DAB1: variants seen among roughly 807,000 people sequenced by gnomAD.
DAB1 encodes the protein DAB adaptor protein 1.
Under a neutral mutation model 64.6 loss-of-function variants are expected in DAB1, and 15 were observed. The ratio of observed to expected loss-of-function variants is 0.23; its 90% CI spans 0.16 to 0.36. The LOEUF (loss-of-function observed/expected upper bound fraction) is 0.36. Ranked by LOEUF, DAB1 falls within the 10% of genes least tolerant of loss-of-function variation. The pLI, the probability that DAB1 is intolerant of heterozygous loss-of-function variation, is 1.00. For synonymous variants in DAB1, 235 were observed against 251.9 expected, an observed-to-expected ratio of 0.93 and a Z score of 0.64; for missense variants, 596 against 706.7, an observed-to-expected ratio of 0.84 and a Z score of 1.78.
intron 5 of DAB1, among the ~76,000 whole-genome samples, chr1:58,060,931 G>T (rs1447969608): frequency 6.6e-6 from 1 of 152,246 alleles, no homozygotes; most frequent in Non-Finnish European, 1.5e-5. Context: ...GGGGAAGCCA[G>T]CCAAGCCAGA....
chr1:57,948,262 G>C (rs1645213805), intron 5 of DAB1, among the ~76,000 whole-genome samples: 1 of 152,122 alleles, frequency 6.6e-6, no homozygotes, highest in African/African-American at 2.4e-5. Context: ...TGCAATAAAA[G>C]GCCCAAAGAA....
At chr1:58,114,091 CAA>C (rs530606878) in intron 5 of DAB1, among the ~76,000 whole-genome samples, 26,435 of 109,820 alleles carry the variant, frequency 0.24, 3,191 homozygotes, top group East Asian at 0.52. Context: ...TACTAAAATA[CAA>C]AAAAAAAAAA....
chr1:58,296,261 G>GAAAGAAAGAAAC (rs1553173621), intron 4 of DAB1, among the ~76,000 whole-genome samples: 1 of 140,284 alleles, frequency 7.1e-6, no homozygotes, highest in African/African-American at 2.7e-5. Context: ...AAGAAAGAAA[G>GAAAGAAAGAAAC]AAAAGTGAGG....
chr1:57,136,403 T>C (rs953996190), intron 4 of DAB1, 140 bp downstream of exon 4: 16 of 428,086 alleles, frequency 3.7e-5, no homozygotes, highest in Non-Finnish European at 6.2e-5. Flanking sequence ...CTTTGATGGA[T>C]GATCAGAGTT....
chr1:58,107,094 C>A (rs1202706539), intron 5 of DAB1, among the ~76,000 whole-genome samples: 9 of 151,402 alleles, frequency 5.9e-5, no homozygotes. Flanking sequence ...AAAAAAAAAC[C>A]CAGAAAAATA....
At chr1:58,249,734 T>A (rs1229382604) in intron 4 of DAB1, among the ~76,000 whole-genome samples, 1 of 151,834 alleles carries the variant, frequency 6.6e-6, no homozygotes. Flanking sequence ...GTTAAATGGC[T>A]GCGCGTCAAC....
At chr1:57,522,406 A>G (rs889863895) in intron 7 of DAB1, among the ~76,000 whole-genome samples, 7 of 152,164 alleles carry the variant, frequency 4.6e-5, no homozygotes, top group Non-Finnish European at 1.0e-4. Context: ...TAGAAGAGTT[A>G]AGTGAAATTT....
At chr1:58,114,576 T>G (rs911493758) in intron 5 of DAB1, among the ~76,000 whole-genome samples, 2 of 152,230 alleles carry the variant, frequency 1.3e-5, no homozygotes, top group Non-Finnish European at 2.9e-5. Flanking sequence ...ATTGGAATAC[T>G]GTTATGCCCA....
intron 7 of DAB1, among the ~76,000 whole-genome samples, chr1:57,547,469 G>T (rs1007709162): frequency 6.6e-6 from 1 of 152,112 alleles, no homozygotes; most frequent in African/African-American, 2.4e-5. Flanking sequence ...ATGGAATAAA[G>T]GATCAGTTGC....
chr1:57,230,246 G>A (rs1667564638), intron 2 of DAB1, among the ~76,000 whole-genome samples: 1 of 146,668 alleles, frequency 6.8e-6, no homozygotes, highest in East Asian at 2.0e-4. Flanking sequence ...TTAACCATTT[G>A]TTTTGCTTTC....
intron 9 of DAB1, among the ~76,000 whole-genome samples, chr1:57,028,286 T>C (rs772730702): frequency 3.9e-5 from 6 of 152,152 alleles, no homozygotes; most frequent in Non-Finnish European, 7.4e-5. Context: ...TTCCTCACTT[T>C]CCCTTGCTGC....
rs559773460 is a variant in DAB1 at position 58,129,421 on chromosome 1, T to A, written n.387+21090A>T. ...TTCAAAAAACCAGCTCCTGGATTCA[T>A]TAATTTTTTGAAGGGTTTTTTGTGT... On this transcript the variant is annotated intron_variant and non_coding_transcript_variant, in intron 5 of 20. Coordinates refer to the DAB1 transcript ENST00000485760. 3.0e-3 allele frequency among the ~76,000 whole-genome samples: 407 copies of A among 133,630 alleles called. 1 individual carries two copies. Among genetic ancestry groups the A allele is most frequent in the African/African-American group, 0.012 (395 of 34,058 alleles). The allele number at this position is 133,630 out of a possible 152,430, so 87.7% of individuals were successfully genotyped here.
At chr1:58,020,886 C>T (rs1646805655) in intron 5 of DAB1, among the ~76,000 whole-genome samples, 1 of 152,044 alleles carries the variant, frequency 6.6e-6, no homozygotes, top group Middle Eastern at 3.2e-3. Context: ...ACCTGTAATC[C>T]CAGCTACTTG....
intron 1 of DAB1, among the ~76,000 whole-genome samples, chr1:57,368,283 G>T (rs1363510370): frequency 6.6e-6 from 1 of 152,250 alleles, no homozygotes; most frequent in Non-Finnish European, 1.5e-5. Context: ...CAGCAGGAGG[G>T]AGACAGGTTC....
chr1:57,178,020 G>T (rs756551908), intron 2 of DAB1, among the ~76,000 whole-genome samples: 19 of 151,960 alleles, frequency 1.3e-4, no homozygotes, highest in Non-Finnish European at 2.4e-4. Context: ...TGTAAAATGG[G>T]GCTATGACTA....
At chr1:57,385,971 T>C (rs1681781133) in intron 1 of DAB1, among the ~76,000 whole-genome samples, 1 of 152,008 alleles carries the variant, frequency 6.6e-6, no homozygotes, top group African/African-American at 2.4e-5. Flanking sequence ...GGTTATAGAG[T>C]TAGCAACAGC....
At chr1:58,254,062 A>C (rs1660866609) in intron 4 of DAB1, among the ~76,000 whole-genome samples, 1 of 152,224 alleles carries the variant, frequency 6.6e-6, no homozygotes, top group African/African-American at 2.4e-5. Context: ...AGAGTAACTT[A>C]TAAACCACAG....
intron 3 of DAB1, among the ~76,000 whole-genome samples, chr1:58,497,823 C>G (rs910214442): frequency 2.0e-5 from 3 of 152,164 alleles, no homozygotes; most frequent in African/African-American, 7.2e-5. Flanking sequence ...TGGCGGCTTT[C>G]CCTGCACCTT....
chr1:57,496,757 G>A (rs1644235223), intron 7 of DAB1, among the ~76,000 whole-genome samples: 1 of 152,174 alleles, frequency 6.6e-6, no homozygotes, highest in Non-Finnish European at 1.5e-5. Context: ...TAAGGAAACT[G>A]AGGAACAGAG....
Sources: allele counts gnomAD v4.1 joint callset (sites outside exome capture counted in the v4.1 genomes callset), GRCh38; gene constraint gnomAD v4.1.1; transcripts MANE v1.5; gene names NCBI Gene and HGNC (gene_info 2026-07-23, HGNC 2026-07-21).